Variants in ZRANB3 observed in about 807,000 individuals in gnomAD.
The protein encoded by ZRANB3 is DNA annealing helicase and endonuclease ZRANB3.
In ZRANB3, 125 loss-of-function variants were observed where a neutral mutation model predicts 133.8. The ratio of observed to expected loss-of-function variants is 0.93; its 90% CI spans 0.81 to 1.08. The LOEUF (loss-of-function observed/expected upper bound fraction) is 1.08, where lower values mean the gene tolerates loss of function less well. ZRANB3 is among the 50% of genes least tolerant of loss of function. The pLI is 0.00. For synonymous variants in ZRANB3, 387 were observed against 432.7 expected (o/e 0.89, Z 1.31); for missense variants, 1,229 against 1,275.5 (o/e 0.96, Z 0.56).
At chr2:135,471,218 G>A (rs902762839) in intron 2 of ZRANB3, among the ~76,000 whole-genome samples, 1 of 151,738 alleles carries the variant, frequency 6.6e-6, no homozygotes, top group Non-Finnish European at 1.5e-5. Context: ...ATAGTGTAAA[G>A]AGAAAGTGTA....
chr2:135,244,139 T>C (rs1437324830), intron 12 of ZRANB3, among the ~76,000 whole-genome samples: 2 of 150,760 alleles, frequency 1.3e-5, no homozygotes, highest in Non-Finnish European at 2.9e-5. Context: ...GCAACATTTG[T>C]TAAAACAAAA....
chr2:135,262,040 G>T (rs1161390578), intron 12 of ZRANB3, among the ~76,000 whole-genome samples: 2 of 151,150 alleles, frequency 1.3e-5, no homozygotes, highest in Non-Finnish European at 2.9e-5. Flanking sequence ...TGTGCCTGTT[G>T]TCTCAGCTAC....
intron 2 of ZRANB3, among the ~76,000 whole-genome samples, chr2:135,466,436 A>T (rs1033014426): frequency 3.3e-5 from 5 of 151,184 alleles, no homozygotes; most frequent in African/African-American, 1.2e-4. Flanking sequence ...AGATGAATAA[A>T]CTATTATAAG....
At chr2:135,467,128 C>A (rs897678802) in intron 2 of ZRANB3, among the ~76,000 whole-genome samples, 2 of 152,172 alleles carry the variant, frequency 1.3e-5, no homozygotes, top group African/African-American at 4.8e-5. Flanking sequence ...CTTCCGATGG[C>A]TTAATGTGTA....
At chr2:135,358,003 A>C (rs992212208) in intron 3 of ZRANB3, among the ~76,000 whole-genome samples, 3 of 152,176 alleles carry the variant, frequency 2.0e-5, no homozygotes, top group Admixed American at 6.5e-5. Context: ...TGTTGCCCTT[A>C]TTCCCAGCGC....
intron 2 of ZRANB3, among the ~76,000 whole-genome samples, chr2:135,498,219 T>C (rs1692769318): frequency 6.6e-6 from 1 of 152,168 alleles, no homozygotes; most frequent in Non-Finnish European, 1.5e-5. Context: ...AATCTCTTCA[T>C]GACTTTGTAG....
chr2:135,201,836 C>A (rs1196162261), intron 20 of ZRANB3, among the ~76,000 whole-genome samples: 2 of 152,308 alleles, frequency 1.3e-5, no homozygotes, highest in East Asian at 1.9e-4. Context: ...TTGGCACCCA[C>A]TGACCATACC....
chr2:135,406,968 C>A (rs1441644555), intron 2 of ZRANB3, among the ~76,000 whole-genome samples: 1 of 152,066 alleles, frequency 6.6e-6, no homozygotes, highest in Non-Finnish European at 1.5e-5. Flanking sequence ...GAAGTTCTGG[C>A]CAGGGCAATC....
intron 6 of ZRANB3, among the ~76,000 whole-genome samples, chr2:135,329,126 C>T (rs112610620): frequency 1.3e-5 from 2 of 152,072 alleles, no homozygotes; most frequent in Non-Finnish European, 2.9e-5. Flanking sequence ...AGTCATGAGG[C>T]CCTTGCCCAT....
At chr2:135,524,778 T>A (rs1411305557) in intron 1 of ZRANB3, among the ~76,000 whole-genome samples, 2 of 152,068 alleles carry the variant, frequency 1.3e-5, no homozygotes, top group Non-Finnish European at 2.9e-5. Flanking sequence ...CATGTATAAA[T>A]GAGAATTGTG....
intron 2 of ZRANB3, among the ~76,000 whole-genome samples, chr2:135,431,888 T>C (rs1223922954): frequency 1.3e-5 from 2 of 152,138 alleles, no homozygotes; most frequent in African/African-American, 2.4e-5. Context: ...ATTTAAATAG[T>C]TGTACGACAT....
chr2:135,414,898 G>A (rs1688483655), intron 2 of ZRANB3, among the ~76,000 whole-genome samples: 1 of 152,076 alleles, frequency 6.6e-6, no homozygotes, highest in Admixed American at 6.6e-5. Flanking sequence ...GATGTTCTTT[G>A]AAACCAACGG....
At position 135,512,119 on chromosome 2, in the gene ZRANB3, A is replaced by G. The variant is rs551818432; in HGVS notation, c.-7-7623T>C. 3.3e-5 allele frequency among the ~76,000 whole-genome samples: 5 copies of G among 152,364 alleles called. No individual in the cohort carries two copies. In the East Asian group the frequency reaches 7.7e-4, roughly 23 times the overall value. Reference sequence around the variant, plus strand: ...ATACCATGTTATTAAAATCAAAATGACAATATTGGCTAGGGAAATTTAGTG... The same window carrying G: ...ATACCATGTTATTAAAATCAAAATGGCAATATTGGCTAGGGAAATTTAGTG... On this transcript the variant is annotated intron_variant, in intron 1 of 20. Coordinates refer to ENST00000264159, the MANE Select transcript of ZRANB3 (RefSeq NM_032143.4).
chr2:135,217,537 T>C lies in ZRANB3; in HGVS notation c.2423A>G (p.Gln808Arg), dbSNP rs772317265. 5.0e-6 allele frequency: 8 copies of C among 1,613,714 alleles called. No homozygotes were observed. The African/African-American group carries it at 1.1e-4, about 22-fold the overall frequency. Residue 808 changes from glutamine to arginine, a missense_variant, in exon 17 of 21, where the codon CAG becomes CGG. Transcript: ENST00000264159. Reference sequence around the variant, plus strand: ...AGCAAGAATTGGGCTACAGAATAGCTGTCCACTTTTCCTGATTATCCTTTG... The same window carrying C: ...AGCAAGAATTGGGCTACAGAATAGCCGTCCACTTTTCCTGATTATCCTTTG... ...MKQRIIRKSG[Q>R]LFCSPILALE... is the part of the protein sequence containing the mutation.
chr2:135,203,092 T>C, intron 19 of ZRANB3, 129 bp from the exon 20 acceptor site: 1 of 1,086,034 alleles, frequency 9.2e-7, no homozygotes. Flanking sequence ...GAGAGCTTTT[T>C]ATAGCTTTTA....
chr2:135,279,913 T>C (rs573118536), intron 8 of ZRANB3, among the ~76,000 whole-genome samples: 1 of 152,292 alleles, frequency 6.6e-6, no homozygotes, highest in East Asian at 1.9e-4. Context: ...CAAATGAACT[T>C]TTGGGATTCT....
chr2:135,412,199 C>T (rs1688337401), intron 2 of ZRANB3, among the ~76,000 whole-genome samples: 1 of 152,044 alleles, frequency 6.6e-6, no homozygotes, highest in African/African-American at 2.4e-5. Context: ...GGTTTTTTAG[C>T]ATATAATTCA....
intron 11 of ZRANB3, 22 bp downstream of exon 11, chr2:135,268,940 T>C (rs766806203): frequency 3.2e-6 from 5 of 1,586,048 alleles, no homozygotes; most frequent in African/African-American, 2.7e-5. Flanking sequence ...AGCTGCTAAC[T>C]TGATTTAAAT....
chr2:135,263,750 A>G (rs1181323703), intron 12 of ZRANB3, among the ~76,000 whole-genome samples: 7 of 152,056 alleles, frequency 4.6e-5, no homozygotes, highest in African/African-American at 7.2e-5. Flanking sequence ...ACATTAAATA[A>G]TAATAATTGA....
Sources: allele counts gnomAD v4.1 joint callset (sites outside exome capture counted in the v4.1 genomes callset), GRCh38; gene constraint gnomAD v4.1.1; transcripts MANE v1.5; gene names NCBI Gene and HGNC (gene_info 2026-07-23, HGNC 2026-07-21).